The following SPG7 variants were observed in gnomAD, a reference collection of about 807,000 sequenced individuals.
SPG7 encodes mitochondrial inner membrane m-AAA protease component paraplegin.
Under a neutral mutation model 81.9 loss-of-function variants are expected in SPG7, and 103 were observed. The observed-to-expected ratio is 1.26, with a 90% CI of 1.07 to 1.48. The LOEUF (loss-of-function observed/expected upper bound fraction) is 1.48. Ranked by LOEUF, SPG7 falls within the 40% of genes most tolerant of loss-of-function variation. The pLI is 0.00. For missense variants in SPG7, 1,241 were observed against 1,087.3 expected (o/e 1.14, Z -1.99); for synonymous variants, 534 against 444.2 (o/e 1.20, Z -2.54).
chr16:89,525,463 C>T (rs1158361518), intron 4 of SPG7, among the ~76,000 whole-genome samples: 1 of 152,164 alleles, frequency 6.6e-6, no homozygotes, highest in Non-Finnish European at 1.5e-5. Flanking sequence ...AGAGAAAATG[C>T]TCAGAATTCT....
rs2058330459 is a variant in SPG7, at chr16:89,530,742, C to T, written c.921C>T (p.Ser307=). The T allele has an allele frequency of 6.2e-7, 1 of 1,614,180 alleles. No homozygotes were observed. The highest frequency in any genetic ancestry group is 1.1e-5 in the South Asian group (1 of 91,084). Residue 307 remains serine (S), a synonymous_variant, in exon 7 of 17, where the codon AGC becomes AGT. Transcript: ENST00000645818. ...ATGGGAAGATGGGGAAAGGAGTCAGCTTCAAAGACGTGGCAGGAATGCACG... is the reference window on the plus strand; with the variant it reads ...ATGGGAAGATGGGGAAAGGAGTCAGTTTCAAAGACGTGGCAGGAATGCACG... ...IVDGKMGKGV[S]FKDVAGMHEA...
intron 9 of SPG7, among the ~76,000 whole-genome samples, chr16:89,534,819 T>G (rs1044387636): frequency 3.9e-5 from 6 of 152,262 alleles, no homozygotes; most frequent in African/African-American, 1.4e-4. Flanking sequence ...TGTCCGTGAC[T>G]GCCCCCCAGA....
At chr16:89,537,715 C>T (rs2058444861) in intron 9 of SPG7, 3 of 985,160 alleles carry the variant, frequency 3.0e-6, no homozygotes, top group Non-Finnish European at 3.6e-6. Flanking sequence ...AAGTCATCAG[C>T]ATGTGAGCTT....
chr16:89,550,031 GT>G (rs2058615013), intron 12 of SPG7: 1 of 255,046 alleles, frequency 3.9e-6, no homozygotes, highest in Non-Finnish European at 7.8e-6. Flanking sequence ...CCTGAAGAGT[GT>G]CGTTTTGAGT....
chr16:89,529,331 A>C (rs1029781787), intron 5 of SPG7, 146 bp from the exon 6 acceptor site: 33 of 685,756 alleles, frequency 4.8e-5, no homozygotes, highest in Non-Finnish European at 7.7e-5. Context: ...CCATTTCCAC[A>C]ACCATTTTAA....
chr16:89,532,461 AG>A lies in SPG7; in HGVS notation c.1151del. ...TTCCTGATTCTCTCTGTGTCCCCTC[AG>A]GCCTCGGCGCTGCCCGTGTGCGGAG... On this transcript the variant is annotated splice_acceptor_variant, in intron 8 of 16. Transcript: ENST00000645818. LOFTEE classifies it high-confidence loss of function. 6.2e-7 allele frequency: 1 copy of A among 1,613,362 alleles called. No individual in the cohort carries two copies. The highest frequency in any genetic ancestry group is 8.5e-7 in the Non-Finnish European group (1 of 1,180,030).
intron 3 of SPG7, chr16:89,520,494 T>G (rs1317707599): frequency 6.4e-6 from 1 of 157,202 alleles, no homozygotes; most frequent in Non-Finnish European, 1.4e-5. Flanking sequence ...CCCGCCATGT[T>G]TAAGCGATTC....
intron 4 of SPG7, 49 bp from the exon 5 acceptor site, chr16:89,526,280 T>C (rs2152400423): frequency 6.2e-7 from 1 of 1,611,530 alleles, no homozygotes; most frequent in Non-Finnish European, 8.5e-7. Flanking sequence ...GTAGGGTTGC[T>C]CGTCTGTCCC....
chr16:89,532,108 T>C (rs2058351701), intron 8 of SPG7, 42 bp downstream of exon 8: 1 of 1,596,882 alleles, frequency 6.3e-7, no homozygotes, highest in African/African-American at 1.3e-5. Context: ...CTTGGCTGAC[T>C]ACCTGGCTCC....
Position 89,546,708 on chromosome 16 carries a change from G to T in SPG7, c.1500G>T (p.Gln500His), listed in dbSNP as rs371160168. The T allele has an allele frequency of 3.1e-6, 5 of 1,613,824 alleles. No homozygotes were observed. Among genetic ancestry groups the T allele is most frequent in the Non-Finnish European group, 4.2e-6 (5 of 1,179,880 alleles). The change falls in exon 11 of 17, where the codon CAG becomes CAT. Residue 500 changes from glutamine to histidine, a missense_variant. Gln to His is a conservative substitution (Grantham distance 24). Transcript: ENST00000645818. The part of the protein sequence containing the change: ...EQHLKSLKLT[Q>H]SSTFYSQRLA... ...ACCTGAAGAGCCTGAAGCTGACCCA[G>T]TCCAGCACCTTTTACTCCCAGCGTC... is the stretch of plus-strand genomic sequence containing the variant.
chr16:89,544,505 G>T (rs930068594), intron 9 of SPG7, 143 bp from the exon 10 acceptor site: 7 of 948,890 alleles, frequency 7.4e-6, no homozygotes, highest in Admixed American at 5.6e-5. Context: ...GCGGCTCCTA[G>T]TTCAGAAGGA....
At chr16:89,517,358 T>C (rs1031933777) in intron 3 of SPG7, 9 of 151,944 alleles carry the variant, frequency 5.9e-5, no homozygotes, top group African/African-American at 2.2e-4. Flanking sequence ...TTGTCATGGT[T>C]CCTGGAAGGA....
chr16:89,556,499 G>T, intron 16 of SPG7: 1 of 303,566 alleles, frequency 3.3e-6, no homozygotes, highest in Non-Finnish European at 6.2e-6. Context: ...CAACTTGAGA[G>T]GTCCCAGCTC....
chr16:89,531,847 A>G lies in SPG7; in HGVS notation c.988-57A>G. 1.9e-6 allele frequency: 3 copies of G among 1,603,442 alleles called. 1 individual carries two copies. The African/African-American group carries it at 4.0e-5, about 21-fold the overall frequency. On this transcript the variant is annotated intron_variant, in intron 7 of 16. Transcript: ENST00000645818. Reference sequence around the variant, plus strand: ...TGACCCAGAGAGACCTTACCTCTAAAAAACAAAAAAACGGAATCCCCAAGT... The same window carrying G: ...TGACCCAGAGAGACCTTACCTCTAAGAAACAAAAAAACGGAATCCCCAAGT...
intron 12 of SPG7, chr16:89,550,260 T>C (rs1417374137): frequency 1.3e-5 from 6 of 472,030 alleles, no homozygotes; most frequent in Non-Finnish European, 2.0e-5. Context: ...GTAACCTCCG[T>C]CTCTCAGGTT....
At chr16:89,512,278 C>T (rs887448612) in intron 2 of SPG7, among the ~76,000 whole-genome samples, 3 of 151,704 alleles carry the variant, frequency 2.0e-5, no homozygotes, top group Non-Finnish European at 4.4e-5. Flanking sequence ...GTCGTGCCGG[C>T]CCCTCTTGGT....
intron 9 of SPG7, among the ~76,000 whole-genome samples, chr16:89,535,945 C>T (rs1384455780): frequency 2.7e-5 from 3 of 113,092 alleles, no homozygotes; most frequent in African/African-American, 9.9e-5. Flanking sequence ...TTCAGTGTGG[C>T]CTCTCTGGTG....
At chr16:89,538,371 C>A (rs534735060) in intron 9 of SPG7, 2 of 152,068 alleles carry the variant, frequency 1.3e-5, no homozygotes, top group African/African-American at 4.8e-5. Context: ...GGGGGAAATT[C>A]TCCCAGGTCC....
In SPG7 at chr16:89,538,522, G is replaced by A. The variant is rs190645756; in HGVS notation, c.1324+5886G>A. ...CCCTGGGCTTCTGGGCTCCGCAGGC[G>A]GGGAGGGGCCGGCAGTATGGCTTAT... On this transcript the variant is annotated intron_variant, in intron 9 of 16. Coordinates refer to ENST00000645818, the MANE Select transcript of SPG7 (RefSeq NM_003119.4). 4.7e-4 allele frequency: 72 copies of A among 152,046 alleles called. 1 individual carries two copies. The highest frequency in any genetic ancestry group is 3.7e-3 in the East Asian group (19 of 5,148). 9.4% of individuals were successfully genotyped at this position (152,046 alleles called of 1,614,324 possible).
Sources: gnomAD v4.1 joint callset for allele counts (sites outside exome capture counted in the v4.1 genomes callset) on GRCh38, gnomAD v4.1.1 for gene constraint, MANE v1.5 for transcripts, NCBI Gene and HGNC (gene_info 2026-07-23, HGNC 2026-07-21) for gene names.